USP47: variants seen among roughly 807,000 people sequenced by gnomAD.
The protein encoded by USP47 is ubiquitin specific peptidase 47, also known as ubiquitin carboxyl-terminal hydrolase 47.
USP47 carries 35 observed loss-of-function variants against 165.1 expected under a neutral mutation model. That is an observed-to-expected ratio of 0.21 (90% CI 0.16 to 0.28). USP47 has a LOEUF of 0.28. Ranked by LOEUF, USP47 falls within the 10% of genes least tolerant of loss-of-function variation. The pLI is 1.00. For missense variants in USP47, 1,277 were observed against 1,607.4 expected (o/e 0.79, Z 3.52); for synonymous variants, 531 against 544.5 (o/e 0.98, Z 0.35).
chr11:11,923,596 C>T (rs923522652), intron 11 of USP47, among the ~76,000 whole-genome samples: 3 of 152,016 alleles, frequency 2.0e-5, no homozygotes, highest in Admixed American at 6.6e-5. Flanking sequence ...ATAGATAAAA[C>T]GTCTTGAGCA....
chr11:11,861,565 A>G (rs553564713), intron 1 of USP47, among the ~76,000 whole-genome samples: 2 of 152,288 alleles, frequency 1.3e-5, no homozygotes, highest in African/African-American at 4.8e-5. Context: ...TACTTGATGT[A>G]ATTTGTTGCA....
chr11:11,848,444 C>G (rs1174330990), intron 1 of USP47, among the ~76,000 whole-genome samples: 1 of 152,100 alleles, frequency 6.6e-6, no homozygotes, highest in Non-Finnish European at 1.5e-5. Flanking sequence ...TCTTATGGGA[C>G]CACTGTCATC....
At chr11:11,842,613 G>C (rs1221334582) in intron 1 of USP47, among the ~76,000 whole-genome samples, 3 of 152,130 alleles carry the variant, frequency 2.0e-5, no homozygotes, top group Non-Finnish European at 4.4e-5. Flanking sequence ...GCTGCTTCTG[G>C]GTTTGACAGT....
chr11:11,875,027 GACT>G, intron 1 of USP47, among the ~76,000 whole-genome samples: 1 of 139,534 alleles, frequency 7.2e-6, no homozygotes, highest in South Asian at 2.4e-4. Flanking sequence ...AGAGAAAATT[GACT>G]TATTGTGTGT....
chr11:11,880,923 A>G (rs1242285730), intron 2 of USP47, among the ~76,000 whole-genome samples: 2 of 152,002 alleles, frequency 1.3e-5, no homozygotes, highest in African/African-American at 4.8e-5. Flanking sequence ...GTAGCTTTTG[A>G]CTTTTAACTC....
Position 11,933,058 on chromosome 11 carries a change from A to T in USP47, c.1706A>T (p.Glu569Val), listed in dbSNP as rs1854789059. Residue 569 changes from glutamate to valine, a missense_variant, in exon 15 of 28, where the codon GAG becomes GTG. Around this residue, in one of 4 missense-constraint regions of USP47, gnomAD observed 909 missense variants for 1,068.1 expected, o/e 0.85. Coordinates refer to ENST00000527733, the MANE Select transcript of USP47 (RefSeq NM_001282659.2). ...CATATTAAAAACTTGGTGCAGAAAG[A>T]GAGAGAGTTGGAAGAACAAGAAAAG... ...PEHIKNLVQK[E>V]RELEEQEKRQ... 6.2e-7 allele frequency: 1 copy of T among 1,613,454 alleles called. No homozygotes were observed. Among genetic ancestry groups the T allele is most frequent in the African/African-American group, 1.3e-5 (1 of 74,996 alleles).
chr11:11,880,485 G>A, intron 2 of USP47, 105 bp downstream of exon 2: 1 of 862,690 alleles, frequency 1.2e-6, no homozygotes, highest in African/African-American at 1.8e-5. Context: ...ATAAACAAAA[G>A]TATAACAACT....
At chr11:11,901,769 G>A in intron 5 of USP47, among the ~76,000 whole-genome samples, 1 of 151,942 alleles carries the variant, frequency 6.6e-6, no homozygotes, top group Non-Finnish European at 1.5e-5. Context: ...GACCAGCCTG[G>A]CCAACATGGT....
intron 8 of USP47, among the ~76,000 whole-genome samples, chr11:11,916,053 C>T (rs543245938): frequency 6.6e-6 from 1 of 152,282 alleles, no homozygotes; most frequent in South Asian, 2.1e-4. Context: ...GGATTATTTG[C>T]ATTAGCTCTA....
chr11:11,889,079 C>A (rs188259207), intron 3 of USP47, among the ~76,000 whole-genome samples: 3 of 152,054 alleles, frequency 2.0e-5, no homozygotes, highest in African/African-American at 7.2e-5. Context: ...ATATGACAGG[C>A]CCACAGCCAA....
chr11:11,879,206 G>A (rs1590286228), intron 1 of USP47, among the ~76,000 whole-genome samples: 1 of 152,226 alleles, frequency 6.6e-6, no homozygotes, highest in African/African-American at 2.4e-5. Flanking sequence ...TATTGCTGCA[G>A]GCAAGAATAA....
At chr11:11,869,579 G>C (rs1849900922) in intron 1 of USP47, among the ~76,000 whole-genome samples, 2 of 151,972 alleles carry the variant, frequency 1.3e-5, no homozygotes, top group African/African-American at 2.4e-5. Flanking sequence ...TAGTTATTCT[G>C]ATTCCTTTGC....
At chr11:11,938,773 A>G (rs61871866) in intron 18 of USP47, among the ~76,000 whole-genome samples, 2,553 of 152,120 alleles carry the variant, frequency 0.017, 33 homozygotes, top group Middle Eastern at 0.034. Flanking sequence ...AGCGTTCCAC[A>G]TGCCTTGAGG....
chr11:11,903,420 G>A, intron 7 of USP47, 78 bp downstream of exon 7: 1 of 1,406,306 alleles, frequency 7.1e-7, no homozygotes. Context: ...TATTCTGTTG[G>A]AATGTTTTAA....
chr11:11,893,793 C>T (rs1851690241), intron 4 of USP47, among the ~76,000 whole-genome samples: 1 of 152,162 alleles, frequency 6.6e-6, no homozygotes, highest in African/African-American at 2.4e-5. Context: ...ACTCAGCCTC[C>T]CAAGTAGCTG....
In USP47 at chr11:11,877,846, TGTGTGTGTGTGTGCGCGCGC is replaced by T. The variant is rs1169745737; in HGVS notation, c.40-2329_40-2310del. On this transcript the variant is annotated intron_variant, in intron 1 of 27. Transcript: ENST00000527733. ...GTGTGTGTGTGTGTGTGTGTGTGTGTGTGTGTGTGTGTGCGCGCGCGCAGATAAGATATTTGGAAGGATAT... is the reference window on the plus strand; with the variant it reads ...GTGTGTGTGTGTGTGTGTGTGTGTGTGCAGATAAGATATTTGGAAGGATAT... Among the ~76,000 whole-genome samples the T allele has an allele frequency of 1.4e-3, 121 of 88,696 alleles. 2 individuals are homozygous for T. Among genetic ancestry groups the T allele is most frequent in the African/African-American group, 5.8e-3 (116 of 20,152 alleles). The allele number at this position is 88,696 out of a possible 152,430, so 58.2% of individuals were successfully genotyped here. A position where few individuals can be genotyped will look rare whatever the true frequency, so the allele number is the denominator to read the frequency against.
intron 20 of USP47, 85 bp from the exon 21 acceptor site, chr11:11,947,860 A>AT: frequency 7.1e-7 from 1 of 1,415,370 alleles, no homozygotes; most frequent in South Asian, 1.4e-5. Flanking sequence ...ATACAGTGTA[A>AT]TAAAAAGTAT....
rs568541431 is a variant in USP47 at position 11,950,509 on chromosome 11, T to C, written c.3583+27T>C. 9 of 1,468,928 alleles carry C rather than the reference T, an allele frequency of 6.1e-6. No homozygotes were observed. The East Asian group carries it at 1.6e-4, about 26-fold the overall frequency. 91.0% of individuals were successfully genotyped at this position (1,468,928 alleles called of 1,614,324 possible). A position where few individuals can be genotyped will look rare whatever the true frequency, so the allele number is the denominator to read the frequency against. Reference sequence around the variant, plus strand: ...TATTTTCAATATTTTTGGGGGGAAGTATCAGTTAGAAATACTCTAGAACTA... The same window carrying C: ...TATTTTCAATATTTTTGGGGGGAAGCATCAGTTAGAAATACTCTAGAACTA... On this transcript the variant is annotated intron_variant, in intron 24 of 27. Coordinates refer to ENST00000527733, the MANE Select transcript of USP47 (RefSeq NM_001282659.2).
At chr11:11,862,638 G>T (rs143791826) in intron 1 of USP47, among the ~76,000 whole-genome samples, 1 of 152,168 alleles carries the variant, frequency 6.6e-6, no homozygotes, top group Non-Finnish European at 1.5e-5. Flanking sequence ...TATTCTGGAT[G>T]TAATTTGACA....
Sources: gnomAD v4.1 joint callset for allele counts (sites outside exome capture counted in the v4.1 genomes callset) on GRCh38, gnomAD v4.1.1 for gene constraint, gnomAD v4.1.1 regional missense constraint, MANE v1.5 for transcripts, NCBI Gene and HGNC (gene_info 2026-07-23, HGNC 2026-07-21) for gene names.